SMAP1: variants seen among roughly 807,000 people sequenced by gnomAD.
The protein encoded by SMAP1 is small ArfGAP 1, also known as stromal membrane-associated protein 1.
A neutral mutation model predicts 58.5 loss-of-function variants in SMAP1; 24 were observed. That is an observed-to-expected ratio of 0.41 (90% confidence interval 0.30 to 0.58). The LOEUF is 0.58. SMAP1 is among the 20% of genes least tolerant of loss of function. The probability of loss-of-function intolerance (pLI) is 0.29; values close to 1 mark genes in which losing one functional copy is unlikely to be tolerated. For synonymous variants in SMAP1, 216 were observed against 196.6 expected (o/e 1.10, Z -0.82); for missense variants, 563 against 566.3 (o/e 0.99, Z 0.06).
Position 70,837,988 on chromosome 6 carries a change from A to G in SMAP1, c.664+960A>G, listed in dbSNP as rs1028408153. On this transcript the variant is annotated intron_variant, in intron 7 of 10. Coordinates refer to ENST00000370455, the MANE Select transcript of SMAP1 (RefSeq NM_001044305.3). ...TACTCCCTGGAGGTACAATTCTTCTATGATGGTAAAAAGTTGTGTATTAGA... is the reference window on the plus strand; with the variant it reads ...TACTCCCTGGAGGTACAATTCTTCTGTGATGGTAAAAAGTTGTGTATTAGA... 50 of 965,960 alleles carry G rather than the reference A, an allele frequency of 5.2e-5. No homozygotes were observed. In the African/African-American group the frequency reaches 7.3e-4, roughly 14 times the overall value. 59.8% of individuals were successfully genotyped at this position (965,960 alleles called of 1,614,324 possible).
At chr6:70,744,298 A>G (rs767494356) in intron 2 of SMAP1, among the ~76,000 whole-genome samples, 5 of 151,818 alleles carry the variant, frequency 3.3e-5, no homozygotes, top group Non-Finnish European at 7.4e-5. Flanking sequence ...TACATTAGGT[A>G]TTTCTCCTAA....
At chr6:70,804,103 T>C (rs546966930) in intron 6 of SMAP1, among the ~76,000 whole-genome samples, 1 of 152,246 alleles carries the variant, frequency 6.6e-6, no homozygotes, top group East Asian at 1.9e-4. Flanking sequence ...AAGTCTCCCA[T>C]TATTGTTTTG....
chr6:70,804,624 T>C (rs1769035016), intron 6 of SMAP1, among the ~76,000 whole-genome samples: 2 of 152,210 alleles, frequency 1.3e-5, no homozygotes, highest in Non-Finnish European at 2.9e-5. Flanking sequence ...TGTTTTTGCA[T>C]TGGCTGGTAC....
chr6:70,787,339 A>G (rs1768095059), intron 4 of SMAP1, among the ~76,000 whole-genome samples: 1 of 152,246 alleles, frequency 6.6e-6, no homozygotes, highest in African/African-American at 2.4e-5. Context: ...CTAAAACCAT[A>G]AAAGCCCTAG....
At chr6:70,699,214 G>A (rs758821064) in intron 1 of SMAP1, among the ~76,000 whole-genome samples, 1 of 152,204 alleles carries the variant, frequency 6.6e-6, no homozygotes, top group Non-Finnish European at 1.5e-5. Context: ...TTACCAGGCA[G>A]AGACTCTTGT....
chr6:70,805,506 A>G (rs1052597421), intron 6 of SMAP1, among the ~76,000 whole-genome samples: 1 of 152,086 alleles, frequency 6.6e-6, no homozygotes, highest in Non-Finnish European at 1.5e-5. Flanking sequence ...ACTTCAGTCA[A>G]CTCGTCAAAG....
intron 2 of SMAP1, among the ~76,000 whole-genome samples, chr6:70,742,478 A>T (rs2149874630): frequency 6.6e-6 from 1 of 152,308 alleles, no homozygotes; most frequent in East Asian, 1.9e-4. Context: ...TCCATCTGAG[A>T]CCACATCAGC....
intron 1 of SMAP1, among the ~76,000 whole-genome samples, chr6:70,724,165 T>G (rs560282243): frequency 6.6e-6 from 1 of 151,920 alleles, no homozygotes; most frequent in South Asian, 2.1e-4. Context: ...TTGTTGTTGT[T>G]TTTTTGTTTT....
At chr6:70,785,326 C>A (rs563562395) in intron 4 of SMAP1, among the ~76,000 whole-genome samples, 1 of 151,980 alleles carries the variant, frequency 6.6e-6, no homozygotes, top group Non-Finnish European at 1.5e-5. Flanking sequence ...AAATTTATAG[C>A]ACTAAATGCC....
chr6:70,776,293 C>T (rs1396362322), intron 4 of SMAP1, among the ~76,000 whole-genome samples: 1 of 152,174 alleles, frequency 6.6e-6, no homozygotes, highest in African/African-American at 2.4e-5. Context: ...AGCAATTCTT[C>T]TGCCTCAGCC....
chr6:70,816,768 A>G (rs927525364), intron 6 of SMAP1, among the ~76,000 whole-genome samples: 1 of 152,186 alleles, frequency 6.6e-6, no homozygotes, highest in Non-Finnish European at 1.5e-5. Context: ...CCACTGCTTT[A>G]TGTTAACCAA....
chr6:70,738,098 A>G (rs1285767033), intron 2 of SMAP1, among the ~76,000 whole-genome samples: 4 of 152,192 alleles, frequency 2.6e-5, no homozygotes, highest in African/African-American at 9.6e-5. Flanking sequence ...ACCACCTGGA[A>G]TCGTGTGGCT....
chr6:70,765,630 CTGAGGACTTTCT>C (rs1279755337), intron 3 of SMAP1, among the ~76,000 whole-genome samples: 11 of 152,218 alleles, frequency 7.2e-5, no homozygotes, highest in African/African-American at 2.4e-4. Context: ...GATGGGCTTC[CTGAGGACTTTCT>C]TACCACATCA....
At chr6:70,812,246 C>A (rs1040389906) in intron 6 of SMAP1, among the ~76,000 whole-genome samples, 2 of 152,046 alleles carry the variant, frequency 1.3e-5, no homozygotes, top group African/African-American at 4.8e-5. Context: ...AGTTTTAATA[C>A]CATTAGGTGG....
intron 1 of SMAP1, chr6:70,694,621 T>C (rs138228923): frequency 6.6e-6 from 1 of 152,670 alleles, no homozygotes; most frequent in African/African-American, 2.4e-5. Flanking sequence ...CCAAGTAGAA[T>C]GTGAGAGGCT....
At chr6:70,732,127 GT>G (rs1484441076) in intron 1 of SMAP1, among the ~76,000 whole-genome samples, 2 of 152,096 alleles carry the variant, frequency 1.3e-5, no homozygotes, top group Non-Finnish European at 2.9e-5. Context: ...ATATAAATTA[GT>G]TTTAAAATCT....
chr6:70,686,682 A>G (rs572970766), intron 1 of SMAP1, among the ~76,000 whole-genome samples: 20 of 152,318 alleles, frequency 1.3e-4, no homozygotes, highest in African/African-American at 4.3e-4. Flanking sequence ...GGCTTCTTAA[A>G]TATTTGAATA....
chr6:70,728,511 C>T (rs1455251792), intron 1 of SMAP1, among the ~76,000 whole-genome samples: 1 of 152,150 alleles, frequency 6.6e-6, no homozygotes, highest in African/African-American at 2.4e-5. Context: ...TTGACTGAGT[C>T]ATCAGATCTA....
chr6:70,794,356 G>A (rs1349117516), intron 5 of SMAP1, among the ~76,000 whole-genome samples: 1 of 152,182 alleles, frequency 6.6e-6, no homozygotes. Context: ...TAGAACCCAT[G>A]CTGTTAATAT....
Sources: gnomAD v4.1 joint callset for allele counts (sites outside exome capture counted in the v4.1 genomes callset) on GRCh38, gnomAD v4.1.1 for gene constraint, MANE v1.5 for transcripts, NCBI Gene and HGNC (gene_info 2026-07-23, HGNC 2026-07-21) for gene names.